The following ADAMTS9 variants were observed in gnomAD, a reference collection of about 807,000 sequenced individuals.
ADAMTS9 encodes ADAM metallopeptidase with thrombospondin type 1 motif 9, also known as A disintegrin and metalloproteinase with thrombospondin motifs 9.
A neutral mutation model predicts 257.1 loss-of-function variants in ADAMTS9; 107 were observed. The observed-to-expected ratio is 0.42, with a 90% confidence interval of 0.36 to 0.49. The LOEUF is 0.49. Among genes scored for constraint, ADAMTS9 ranks in the 20% least tolerant of loss-of-function variants. The pLI, the probability that ADAMTS9 is intolerant of heterozygous loss-of-function variation, is 0.03. For missense variants in ADAMTS9, 2,353 were observed against 2,469.1 expected, an observed-to-expected ratio of 0.95 and a Z score of 1.00; for synonymous variants, 982 against 880.9, an observed-to-expected ratio of 1.11 and a Z score of -2.03.
At chr3:64,561,345 G>T in intron 30 of ADAMTS9, 1 of 346,098 alleles carries the variant, frequency 2.9e-6, no homozygotes, top group Non-Finnish European at 5.1e-6. Context: ...TTTTGAGGCG[G>T]CCAGACTTGG....
At chr3:64,615,826 T>G in intron 20 of ADAMTS9, 134 bp downstream of exon 20, 2 of 1,051,672 alleles carry the variant, frequency 1.9e-6, no homozygotes, top group South Asian at 2.9e-5. Context: ...AAAGCTTGAA[T>G]GGGGTCAGGC....
chr3:64,594,346 T>A lies in ADAMTS9; in HGVS notation c.4268A>T (p.Glu1423Val). Residue 1423 changes from glutamate (E) to valine (V), a missense_variant, in exon 28 of 40, where the codon GAA becomes GTA. By Grantham distance (121) the Glu-to-Val change is moderately radical. This residue lies in a region of ADAMTS9 where 1,402 missense variants were observed against 1,441.4 expected (regional missense o/e 0.97). Transcript: ENST00000498707. ...NGERFPDLSC[E>V]ILDKPPDREQ... ...ACGATCGGGAGGTTTATCAAGAATT[T>A]CACAGCTCAAATCTGGAAACCGTTC... 1 of 1,613,266 alleles carries A rather than the reference T, an allele frequency of 6.2e-7. No individual in the cohort carries two copies. The highest frequency in any genetic ancestry group is 1.1e-5 in the South Asian group (1 of 91,026).
At chr3:64,548,095 C>T (rs768073254) in intron 31 of ADAMTS9, among the ~76,000 whole-genome samples, 4 of 152,058 alleles carry the variant, frequency 2.6e-5, no homozygotes, top group Non-Finnish European at 5.9e-5. Context: ...GGTGAGGGAC[C>T]ACAGCTTTCA....
At chr3:64,594,500 C>T in intron 27 of ADAMTS9, 66 bp from the exon 28 acceptor site, 2 of 1,570,198 alleles carry the variant, frequency 1.3e-6, no homozygotes, top group African/African-American at 1.4e-5. Context: ...TTTCCTTTCT[C>T]CCTAATTTCT....
chr3:64,662,903 T>G (rs1337402026), intron 3 of ADAMTS9, among the ~76,000 whole-genome samples: 1 of 152,138 alleles, frequency 6.6e-6, no homozygotes, highest in African/African-American at 2.4e-5. Flanking sequence ...ACACAAACTT[T>G]ATTTCATGCA....
At chr3:64,624,719 G>A (rs1238556969) in intron 16 of ADAMTS9, among the ~76,000 whole-genome samples, 7 of 152,104 alleles carry the variant, frequency 4.6e-5, no homozygotes, top group Non-Finnish European at 1.0e-4. Context: ...TTTATCAATT[G>A]CCTTATTCTT....
chr3:64,611,268 A>G (rs1019609019), intron 22 of ADAMTS9, among the ~76,000 whole-genome samples: 3 of 152,172 alleles, frequency 2.0e-5, no homozygotes, highest in African/African-American at 4.8e-5. Flanking sequence ...GGATAAATGG[A>G]TAAACAAATT....
At chr3:64,588,999 CTCT>C (rs1338821946) in intron 28 of ADAMTS9, 1 of 152,160 alleles carries the variant, frequency 6.6e-6, no homozygotes. Flanking sequence ...AATAATGTGG[CTCT>C]TATTTTCTAA....
At chr3:64,612,044 A>G (rs1229422123) in intron 22 of ADAMTS9, among the ~76,000 whole-genome samples, 1 of 152,220 alleles carries the variant, frequency 6.6e-6, no homozygotes, top group African/African-American at 2.4e-5. Flanking sequence ...AATCATAAAC[A>G]TGTTAGCAAC....
chr3:64,621,764 A>C (rs1700111005), intron 18 of ADAMTS9, among the ~76,000 whole-genome samples: 1 of 126,970 alleles, frequency 7.9e-6, no homozygotes, highest in Non-Finnish European at 1.5e-5. Flanking sequence ...TCCATCTCAA[A>C]AAAATAAAAA....
chr3:64,614,207 G>A (rs1559792467), intron 21 of ADAMTS9, among the ~76,000 whole-genome samples: 1 of 152,104 alleles, frequency 6.6e-6, no homozygotes, highest in East Asian at 1.9e-4. Flanking sequence ...GCAAAGGTTT[G>A]TTACTTAGTT....
intron 28 of ADAMTS9, among the ~76,000 whole-genome samples, chr3:64,571,049 A>G (rs535992249): frequency 3.9e-5 from 6 of 152,364 alleles, no homozygotes; most frequent in African/African-American, 1.4e-4. Context: ...TCAATATACA[A>G]ATAGTCCAAA....
intron 32 of ADAMTS9, among the ~76,000 whole-genome samples, chr3:64,544,118 C>T (rs372137096): frequency 1.3e-5 from 2 of 152,046 alleles, no homozygotes; most frequent in Admixed American, 6.6e-5. Context: ...TAAAAGAGGA[C>T]ACAAACAAAT....
chr3:64,564,649 A>G (rs544602749), intron 29 of ADAMTS9, among the ~76,000 whole-genome samples: 19 of 152,000 alleles, frequency 1.3e-4, no homozygotes, highest in Non-Finnish European at 1.9e-4. Context: ...CATTGTAGAA[A>G]GTTTAGCAGC....
intron 29 of ADAMTS9, among the ~76,000 whole-genome samples, chr3:64,565,980 A>C (rs970688464): frequency 6.6e-6 from 1 of 152,222 alleles, no homozygotes; most frequent in Non-Finnish European, 1.5e-5. Context: ...TAGCATGGCT[A>C]TTGTAGTTTC....
intron 4 of ADAMTS9, among the ~76,000 whole-genome samples, chr3:64,657,536 T>G (rs898489164): frequency 6.6e-6 from 1 of 151,774 alleles, no homozygotes; most frequent in Admixed American, 6.6e-5. Flanking sequence ...AGACCAGGTC[T>G]TGCTATAATG....
At chr3:64,561,049 T>G (rs2083412478) in intron 30 of ADAMTS9, among the ~76,000 whole-genome samples, 2 of 142,000 alleles carry the variant, frequency 1.4e-5, no homozygotes, top group African/African-American at 5.2e-5. Context: ...ACGGAGCAGT[T>G]TCTTCAGATA....
intron 28 of ADAMTS9, among the ~76,000 whole-genome samples, chr3:64,591,888 C>A (rs899890307): frequency 6.6e-6 from 1 of 152,140 alleles, no homozygotes; most frequent in Non-Finnish European, 1.5e-5. Flanking sequence ...TTGAAAGCAA[C>A]ATGTTAGCAC....
In ADAMTS9 at chr3:64,686,558, G is replaced by T; in HGVS notation, c.516+10C>A. ...CGGAAGGGGAGAGGAGGTGGCGCGC[G>T]CCCACTTACCATTCCTGAGCAGAGG... On this transcript the variant is annotated intron_variant, in intron 2 of 39. Coordinates refer to ENST00000498707, the MANE Select transcript of ADAMTS9 (RefSeq NM_182920.2). This position sits in a 1 kb window ranked among gnomAD's most constrained non-coding sequence, Gnocchi z 4.6. The T allele has an allele frequency of 1.3e-6, 2 of 1,591,542 alleles. No individual in the cohort carries two copies. Among genetic ancestry groups the T allele is most frequent in the South Asian group, 2.3e-5 (2 of 87,874 alleles).
Sources: allele counts gnomAD v4.1 joint callset (sites outside exome capture counted in the v4.1 genomes callset), GRCh38; gene constraint gnomAD v4.1.1; regional missense constraint gnomAD v4.1.1; non-coding constraint Gnocchi (gnomAD v3.1); transcripts MANE v1.5; gene names NCBI Gene and HGNC (gene_info 2026-07-23, HGNC 2026-07-21).